Variants in IQCK observed in about 807,000 individuals in gnomAD.
The protein encoded by IQCK is IQ motif containing K.
A neutral mutation model predicts 28.1 loss-of-function variants in IQCK; 29 were observed. The ratio of observed to expected loss-of-function variants is 1.03; its 90% CI spans 0.77 to 1.41. The LOEUF (loss-of-function observed/expected upper bound fraction) is 1.41. Among genes scored for constraint, IQCK ranks in the 40% most tolerant of loss-of-function variants. IQCK has a pLI of 0.00. For synonymous variants in IQCK, 113 were observed against 115.1 expected (o/e 0.98, Z 0.12); for missense variants, 359 against 314.7 (o/e 1.14, Z -1.07).
intron 7 of IQCK, among the ~76,000 whole-genome samples, chr16:19,805,209 C>G (rs1393639468): frequency 6.8e-6 from 1 of 146,264 alleles, no homozygotes; most frequent in Non-Finnish European, 1.5e-5. Context: ...CAGATATGGC[C>G]CAGGTGAAGA....
rs367782273 is a variant in IQCK, at chr16:19,763,936, A to G, written c.527+36A>G. 2.5e-6 allele frequency: 4 copies of G among 1,603,394 alleles called. No homozygotes were observed. The African/African-American group carries it at 4.0e-5, about 16-fold the overall frequency. On this transcript the variant is annotated intron_variant, in intron 5 of 7. Coordinates refer to ENST00000564186, the Ensembl canonical transcript of IQCK. ...CGTGTCTGACTATTCAGTGATCCTA[A>G]GAATTCAGTCGTGTTAATTTGCAAG...
chr16:19,768,728 A>G (rs977264301), intron 6 of IQCK, among the ~76,000 whole-genome samples: 2 of 152,212 alleles, frequency 1.3e-5, no homozygotes, highest in Non-Finnish European at 2.9e-5. Context: ...CCTGGGTGAC[A>G]GAGTGAGACT....
intron 4 of IQCK, among the ~76,000 whole-genome samples, chr16:19,743,610 G>T (rs2054867269): frequency 6.6e-6 from 1 of 152,172 alleles, no homozygotes. Context: ...TCATCTTATG[G>T]ATCAGGGCTG....
chr16:19,786,634 G>A (rs2055565429), intron 6 of IQCK, among the ~76,000 whole-genome samples: 1 of 140,722 alleles, frequency 7.1e-6, no homozygotes, highest in Non-Finnish European at 1.5e-5. Context: ...GGAGGCAGAG[G>A]TTGCAGTGAG....
At chr16:19,732,134 A>T (rs74013818) in intron 2 of IQCK, among the ~76,000 whole-genome samples, 8,257 of 152,172 alleles carry the variant, frequency 0.054, 698 homozygotes, top group African/African-American at 0.18. Flanking sequence ...GTGCCTGCCC[A>T]CATTGAGGAT....
At chr16:19,767,894 T>C (rs1166437179) in intron 6 of IQCK, among the ~76,000 whole-genome samples, 2 of 150,874 alleles carry the variant, frequency 1.3e-5, no homozygotes, top group Non-Finnish European at 3.0e-5. Context: ...AATAAATAAA[T>C]AAACAAATAA....
intron 4 of IQCK, among the ~76,000 whole-genome samples, chr16:19,750,155 G>A (rs1008262344): frequency 4.6e-5 from 7 of 151,866 alleles, no homozygotes; most frequent in African/African-American, 1.5e-4. Flanking sequence ...GAGATGGAGT[G>A]TCGCGCCGTG....
At chr16:19,847,683 G>A (rs893396002) in intron 9 of IQCK, among the ~76,000 whole-genome samples, 1 of 152,190 alleles carries the variant, frequency 6.6e-6, no homozygotes, top group Admixed American at 6.5e-5. Flanking sequence ...TTGTCGTGTT[G>A]CTGTTGTAGC....
intron 1 of IQCK, among the ~76,000 whole-genome samples, chr16:19,726,156 C>T (rs979415382): frequency 2.6e-5 from 4 of 151,740 alleles, no homozygotes; most frequent in Admixed American, 6.6e-5. Flanking sequence ...CCTCGTGATC[C>T]GCCCGCCTCG....
At chr16:19,735,356 C>T in exon 4 of IQCK, 1 of 1,611,828 alleles carries the variant, frequency 6.2e-7, no homozygotes, top group Non-Finnish European at 8.5e-7. Flanking sequence ...GTTTTAGGTT[C>T]TCCCAAAGAA....
chr16:19,812,080 C>T lies in IQCK; in HGVS notation c.691-14946C>T, dbSNP rs143311182. On this transcript the variant is annotated intron_variant, in intron 7 of 7. Transcript: ENST00000564186. ...TCGGCTCACTGCAGTCTCTGCCTCC[C>T]GGGTTCAAGCAATTCTTCTGCCTTA... Among the ~76,000 whole-genome samples, 922 of 151,544 alleles carry T rather than the reference C, an allele frequency of 6.1e-3. 12 individuals are homozygous for T. Among genetic ancestry groups the T allele is most frequent in the African/African-American group, 0.021 (855 of 41,186 alleles).
intron 4 of IQCK, among the ~76,000 whole-genome samples, chr16:19,750,536 G>A (rs8053400): frequency 0.34 from 51,186 of 151,174 alleles, 13,454 homozygotes; most frequent in African/African-American, 0.74. Context: ...ATCTCGGTTC[G>A]CTGCAACCTC....
At chr16:19,739,597 T>C (rs2054803847) in intron 4 of IQCK, among the ~76,000 whole-genome samples, 1 of 152,110 alleles carries the variant, frequency 6.6e-6, no homozygotes, top group South Asian at 2.1e-4. Context: ...TGTGGATCAC[T>C]GGAGCTTAGG....
chr16:19,822,067 CA>C (rs35060834), intron 7 of IQCK, among the ~76,000 whole-genome samples: 22,221 of 64,184 alleles, frequency 0.35, 1,359 homozygotes, highest in African/African-American at 0.43. Flanking sequence ...GACCCTGTCT[CA>C]AAAAAAAAAA....
chr16:19,764,335 TA>T (rs200008066), intron 6 of IQCK: 667 of 401,596 alleles, frequency 1.7e-3, no homozygotes, highest in Middle Eastern at 2.7e-3. Context: ...ATAGAAAACT[TA>T]AAAAAAAAAT....
chr16:19,808,205 C>T (rs1439787384), intron 7 of IQCK, among the ~76,000 whole-genome samples: 1 of 152,150 alleles, frequency 6.6e-6, no homozygotes, highest in Non-Finnish European at 1.5e-5. Flanking sequence ...CTTCTCAGGT[C>T]AGGCCCTTCC....
intron 7 of IQCK, among the ~76,000 whole-genome samples, chr16:19,801,323 G>T: frequency 9.2e-6 from 1 of 108,546 alleles, no homozygotes; most frequent in Admixed American, 8.5e-5. Context: ...TTTTTTATGA[G>T]ACAGGATCTC....
chr16:19,843,655 G>GT (rs1306890912), intron 9 of IQCK, among the ~76,000 whole-genome samples: 12 of 152,322 alleles, frequency 7.9e-5, no homozygotes, highest in Admixed American at 7.2e-4. Context: ...TCTGGAGACT[G>GT]TAAGTCTGAG....
At chr16:19,750,535 C>T (rs2054972115) in intron 4 of IQCK, among the ~76,000 whole-genome samples, 2 of 151,378 alleles carry the variant, frequency 1.3e-5, no homozygotes, top group South Asian at 4.2e-4. Flanking sequence ...GATCTCGGTT[C>T]GCTGCAACCT....
Sources: allele counts gnomAD v4.1 joint callset (sites outside exome capture counted in the v4.1 genomes callset), GRCh38; gene constraint gnomAD v4.1.1; transcripts MANE v1.5; gene names NCBI Gene and HGNC (gene_info 2026-07-23, HGNC 2026-07-21).